YTHDC1: variants seen among roughly 807,000 people sequenced by gnomAD.
YTHDC1 encodes the protein YTH N6-methyladenosine RNA binding protein C1.
Under a neutral mutation model 107.0 loss-of-function variants are expected in YTHDC1, and 12 were observed. The observed-to-expected ratio is 0.11, with a 90% CI of 0.07 to 0.18. YTHDC1 has a LOEUF of 0.18. YTHDC1 is among the 10% of genes least tolerant of loss of function. YTHDC1 has a pLI of 1.00. For synonymous variants in YTHDC1, 280 were observed against 289.5 expected (o/e 0.97, Z 0.33); for missense variants, 635 against 898.8 (o/e 0.71, Z 3.75).
intron 11 of YTHDC1, among the ~76,000 whole-genome samples, chr4:68,321,358 A>G (rs2109689446): frequency 6.6e-6 from 1 of 152,322 alleles, no homozygotes; most frequent in East Asian, 1.9e-4. Context: ...AGCTGGTTTA[A>G]AAAATAAACA....
At chr4:68,343,760 A>T (rs1725114934) in intron 1 of YTHDC1, among the ~76,000 whole-genome samples, 1 of 151,878 alleles carries the variant, frequency 6.6e-6, no homozygotes, top group Non-Finnish European at 1.5e-5. Flanking sequence ...CTGGTCTTGA[A>T]CTCCTGACCT....
At chr4:68,323,197 C>T (rs1376804252) in intron 10 of YTHDC1, among the ~76,000 whole-genome samples, 1 of 152,080 alleles carries the variant, frequency 6.6e-6, no homozygotes, top group Non-Finnish European at 1.5e-5. Flanking sequence ...GGGACTATTT[C>T]TTTGTGCAAA....
At chr4:68,324,936 T>C (rs1722819774) in intron 9 of YTHDC1, among the ~76,000 whole-genome samples, 1 of 152,192 alleles carries the variant, frequency 6.6e-6, no homozygotes, top group African/African-American at 2.4e-5. Flanking sequence ...TATCCTCTAT[T>C]TTTATAGTTC....
chr4:68,328,170 T>G (rs1312871516), intron 9 of YTHDC1, among the ~76,000 whole-genome samples: 1 of 152,106 alleles, frequency 6.6e-6, no homozygotes, highest in African/African-American at 2.4e-5. Context: ...AATGTAAAAA[T>G]GAAGGTTAAC....
intron 1 of YTHDC1, among the ~76,000 whole-genome samples, chr4:68,341,377 T>G (rs1264234299): frequency 6.6e-6 from 1 of 152,156 alleles, no homozygotes; most frequent in African/African-American, 2.4e-5. Context: ...TTACAACATT[T>G]AAAATCTACT....
At position 68,312,633 on chromosome 4, in the gene YTHDC1, ATGAATGCAGTATAAC is replaced by A; in HGVS notation, c.*1451_*1465del. ...AAAGATACTACATGCTGGTATGAAT[ATGAATGCAGTATAAC>A]TATAGTTTATTATATCCTTTAAGAG... On this transcript the variant is annotated 3_prime_UTR_variant, in exon 17 of 17. Transcript: ENST00000344157. 6.6e-6 allele frequency: 1 copy of A among 152,372 alleles called. No individual in the cohort carries two copies. Among genetic ancestry groups the A allele is most frequent in the African/African-American group, 2.4e-5 (1 of 41,588 alleles). The allele number at this position is 152,372 out of a possible 1,614,324, so 9.4% of individuals were successfully genotyped here. A position where few individuals can be genotyped will look rare whatever the true frequency, so the allele number is the denominator to read the frequency against.
chr4:68,328,538 T>C (rs1393169128), intron 9 of YTHDC1, among the ~76,000 whole-genome samples: 2 of 152,370 alleles, frequency 1.3e-5, no homozygotes, highest in Middle Eastern at 3.4e-3. Context: ...TCATTTGTTA[T>C]ACCTTTCCAT....
Position 68,322,711 on chromosome 4 carries a change from T to A in YTHDC1, c.1601+38A>T. ...ATATTCCTCCATCATGTTATTCTGA[T>A]ACATGTGCCTATTATCAGTCCAAAG... On this transcript the variant is annotated intron_variant, in intron 11 of 16. Transcript: ENST00000344157. The surrounding 1 kb of genome is among the most constrained non-coding windows in gnomAD (Gnocchi z 4.8). 6.2e-7 allele frequency: 1 copy of A among 1,602,888 alleles called. No individual in the cohort carries two copies. The highest frequency in any genetic ancestry group is 8.5e-7 in the Non-Finnish European group (1 of 1,171,930).
Position 68,349,819 on chromosome 4 carries a change from G to C in YTHDC1, c.-66C>G. 1 of 1,607,200 alleles carries C rather than the reference G, an allele frequency of 6.2e-7. No individual in the cohort carries two copies. The highest frequency in any genetic ancestry group is 8.5e-7 in the Non-Finnish European group (1 of 1,176,452). The stretch of plus-strand genomic sequence containing the variant: ...CTTAGACGCGACTCGCGCGGGCGCC[G>C]CAGCCGCGGCAGAAGCACGGGCCCG... On this transcript the variant is annotated 5_prime_UTR_variant, in exon 1 of 17. Coordinates refer to ENST00000344157, the MANE Select transcript of YTHDC1 (RefSeq NM_001031732.4).
chr4:68,348,454 C>G (rs1311226806), intron 1 of YTHDC1, among the ~76,000 whole-genome samples: 1 of 146,080 alleles, frequency 6.8e-6, no homozygotes, highest in Admixed American at 6.9e-5. Context: ...ATCCTATGTT[C>G]CCATTACTTC....
At chr4:68,327,118 C>T (rs1723076189) in intron 9 of YTHDC1, among the ~76,000 whole-genome samples, 1 of 151,786 alleles carries the variant, frequency 6.6e-6, no homozygotes, top group African/African-American at 2.4e-5. Context: ...TGCCTGTAAT[C>T]CCAGCTACTA....
intron 9 of YTHDC1, among the ~76,000 whole-genome samples, 197 bp downstream of exon 9, chr4:68,329,805 T>C (rs535245651): frequency 5.3e-5 from 8 of 152,340 alleles, no homozygotes; most frequent in Non-Finnish European, 8.8e-5. Context: ...CATTTACTGC[T>C]TTATTACTAA....
intron 1 of YTHDC1, among the ~76,000 whole-genome samples, chr4:68,339,042 A>G (rs113178611): frequency 0.011 from 1,645 of 152,350 alleles, 27 homozygotes; most frequent in African/African-American, 0.037. Flanking sequence ...GTATACAAAT[A>G]CGTATGTACA....
chr4:68,321,423 G>A (rs1722435025), intron 11 of YTHDC1, among the ~76,000 whole-genome samples: 3 of 152,132 alleles, frequency 2.0e-5, no homozygotes, highest in Non-Finnish European at 4.4e-5. Context: ...AAACATGATA[G>A]TAACAGTTCA....
intron 1 of YTHDC1, among the ~76,000 whole-genome samples, chr4:68,344,281 G>A (rs1725173572): frequency 6.6e-6 from 1 of 151,180 alleles, no homozygotes; most frequent in Admixed American, 6.6e-5. Flanking sequence ...GCCAGATTCT[G>A]GCATGCACAC....
At position 68,337,075 on chromosome 4, in the gene YTHDC1, A is replaced by C; in HGVS notation, c.835T>G (p.Ser279Ala). The C allele has an allele frequency of 6.2e-7, 1 of 1,613,956 alleles. No homozygotes were observed. Among genetic ancestry groups the C allele is most frequent in the Non-Finnish European group, 8.5e-7 (1 of 1,179,932 alleles). ...EASDSGSESVSFTDGSVRSGS... is the reference protein window; with the variant it reads ...EASDSGSESVAFTDGSVRSGS... Reference sequence around the variant, plus strand: ...GATCTGACAGACCCATCTGTGAAGGAAACAGATTCAGAACCAGAGTCACTG... The same window carrying C: ...GATCTGACAGACCCATCTGTGAAGGCAACAGATTCAGAACCAGAGTCACTG... The change falls in exon 4 of 17, where the codon TCC becomes GCC. Residue 279 changes from serine (S) to alanine (A), a missense_variant. This residue lies in a region of YTHDC1 where 294 missense variants were observed against 312.3 expected (regional missense o/e 0.94). Transcript: ENST00000344157.
At chr4:68,348,859 G>A (rs189813467) in intron 1 of YTHDC1, among the ~76,000 whole-genome samples, 33 of 152,244 alleles carry the variant, frequency 2.2e-4, no homozygotes, top group Non-Finnish European at 2.9e-5. Context: ...TAATCTTAGG[G>A]TTGAAAAAGA....
intron 12 of YTHDC1, 103 bp downstream of exon 12, chr4:68,320,020 T>A: frequency 1.0e-6 from 1 of 994,418 alleles, no homozygotes; most frequent in East Asian, 2.7e-5. Context: ...GTCCTGAATT[T>A]TTTTCACTTT....
chr4:68,316,149 G>A, intron 16 of YTHDC1, 165 bp downstream of exon 16: 1 of 764,214 alleles, frequency 1.3e-6, no homozygotes, highest in Non-Finnish European at 2.0e-6. Flanking sequence ...TAATCCAAAG[G>A]GGCATAATCA....
Sources: gnomAD v4.1 joint callset for allele counts (sites outside exome capture counted in the v4.1 genomes callset) on GRCh38, gnomAD v4.1.1 for gene constraint, gnomAD v4.1.1 regional missense constraint, Gnocchi (gnomAD v3.1) non-coding constraint, MANE v1.5 for transcripts, NCBI Gene and HGNC (gene_info 2026-07-23, HGNC 2026-07-21) for gene names.